RELL1: variants seen among roughly 807,000 people sequenced by gnomAD.
RELL1 encodes the protein RELT-like protein 1.
Under a neutral mutation model 23.0 loss-of-function variants are expected in RELL1, and 10 were observed. That is an observed-to-expected ratio of 0.43 (90% CI 0.27 to 0.74). The LOEUF is 0.74. Ranked by LOEUF, RELL1 falls within the 30% of genes least tolerant of loss-of-function variation. The pLI is 0.19. For missense variants in RELL1, 315 were observed against 364.4 expected, an observed-to-expected ratio of 0.86 and a Z score of 1.10; for synonymous variants, 146 against 146.8, an observed-to-expected ratio of 0.99 and a Z score of 0.04.
chr4:37,621,944 C>T (rs187004962), intron 6 of RELL1, among the ~76,000 whole-genome samples: 13 of 152,340 alleles, frequency 8.5e-5, no homozygotes, highest in African/African-American at 2.6e-4. Flanking sequence ...TTAGAAAAAA[C>T]ATCATAGTTG....
intron 6 of RELL1, among the ~76,000 whole-genome samples, chr4:37,630,933 TG>T (rs2109257560): frequency 6.6e-6 from 1 of 151,394 alleles, no homozygotes; most frequent in Non-Finnish European, 1.5e-5. Flanking sequence ...TTGGCCTGCA[TG>T]GTTGTTTAAA....
At chr4:37,610,262 T>A (rs1178357380), downstream of RELL1, among the ~76,000 whole-genome samples, 1 of 152,196 alleles carries the variant, frequency 6.6e-6, no homozygotes, top group East Asian at 1.9e-4. This position sits in a 1 kb window ranked among gnomAD's most constrained non-coding sequence, Gnocchi z 4.1. Flanking sequence ...AAAAGTATTT[T>A]AAATTAAGGT....
chr4:37,671,933 T>C lies in RELL1; in HGVS notation c.88+14267A>G, dbSNP rs1396802. 4.7e-3 allele frequency among the ~76,000 whole-genome samples: 722 copies of C among 152,268 alleles called. 21 individuals are homozygous for C. The highest frequency in any genetic ancestry group is 0.04 in the Admixed American group (610 of 15,300). Reference sequence around the variant, plus strand: ...TACACTTATGATTACAGTTTTATTATGAAGCATACAACTCAGATACAGCCA... The same window carrying C: ...TACACTTATGATTACAGTTTTATTACGAAGCATACAACTCAGATACAGCCA... On this transcript the variant is annotated intron_variant, in intron 1 of 6. Transcript: ENST00000454158.
chr4:37,671,432 G>A (rs1721830591), intron 1 of RELL1, among the ~76,000 whole-genome samples: 1 of 152,204 alleles, frequency 6.6e-6, no homozygotes. Context: ...AAAGAAGCCA[G>A]TGAAAGTCCA....
At chr4:37,596,736 A>ATATATATATT (rs1365185216) in intron 6 of RELL1, among the ~76,000 whole-genome samples, 3 of 16,508 alleles carry the variant, frequency 1.8e-4, no homozygotes, top group Non-Finnish European at 4.5e-4. Flanking sequence ...ATATATATAT[A>ATATATATATT]TTTTTTTTTT....
At chr4:37,631,544 G>A (rs1720133474) in intron 5 of RELL1, 21 bp from the exon 6 acceptor site, 1 of 1,611,026 alleles carries the variant, frequency 6.2e-7, no homozygotes, top group Admixed American at 1.7e-5. Flanking sequence ...AATGGGGAGA[G>A]GTGATGGGGT....
chr4:37,638,318 C>G, intron 4 of RELL1, 129 bp downstream of exon 4: 2 of 727,752 alleles, frequency 2.7e-6, no homozygotes, highest in Middle Eastern at 2.4e-4. Context: ...AAAGAACTAC[C>G]TGGTCCCAAA....
intron 5 of RELL1, among the ~76,000 whole-genome samples, chr4:37,634,623 C>T (rs1489354537): frequency 1.3e-5 from 2 of 152,232 alleles, no homozygotes; most frequent in African/African-American, 2.4e-5. Context: ...ATTCTGTATA[C>T]AGTTGAAAAT....
chr4:37,650,206 C>T (rs1037253438), intron 1 of RELL1, among the ~76,000 whole-genome samples: 1 of 152,204 alleles, frequency 6.6e-6, no homozygotes, highest in Non-Finnish European at 1.5e-5. Flanking sequence ...ATTTGTTGTC[C>T]TCATGCAGCT....
At chr4:37,650,811 T>C in intron 1 of RELL1, among the ~76,000 whole-genome samples, 1 of 78,314 alleles carries the variant, frequency 1.3e-5, no homozygotes, top group African/African-American at 5.2e-5. Flanking sequence ...TTTGGGAGGC[T>C]GAAGGGGGTG....
chr4:37,606,519 T>G (rs537695685), downstream of RELL1, among the ~76,000 whole-genome samples: 80 of 152,322 alleles, frequency 5.3e-4, no homozygotes, highest in African/African-American at 1.8e-3. The surrounding 1 kb of genome is among the most constrained non-coding windows in gnomAD (Gnocchi z 4.1). Context: ...TGGATTAGGG[T>G]GGACCCTAAA....
intron 6 of RELL1, among the ~76,000 whole-genome samples, chr4:37,621,567 G>A (rs1486922992): frequency 2.6e-5 from 4 of 152,132 alleles, no homozygotes; most frequent in Admixed American, 1.3e-4. Flanking sequence ...GTCTCCGAAA[G>A]CCTTTCATTT....
chr4:37,597,779 C>T (rs1401279891), intron 6 of RELL1, among the ~76,000 whole-genome samples: 3 of 151,980 alleles, frequency 2.0e-5, no homozygotes, highest in Admixed American at 6.6e-5. Context: ...GGCTGGGTGC[C>T]GTGGCTCATG....
At chr4:37,641,074 A>C (rs1431224524) in intron 3 of RELL1, among the ~76,000 whole-genome samples, 1 of 152,220 alleles carries the variant, frequency 6.6e-6, no homozygotes, top group African/African-American at 2.4e-5. Flanking sequence ...GGAAGATAAG[A>C]TATATTAAAA....
intron 6 of RELL1, among the ~76,000 whole-genome samples, chr4:37,604,359 C>CA (rs111637682): frequency 6.6e-6 from 1 of 151,986 alleles, no homozygotes; most frequent in South Asian, 2.1e-4. Context: ...AACTATAAAT[C>CA]GGGATTGGAG....
rs539859782 is a variant in RELL1 at position 37,590,886 on chromosome 4, T to C, written c.*335A>G. The stretch of plus-strand genomic sequence containing the variant: ...CAGGAAACAGGCAGGAGGATACCCA[T>C]GGCTCCGATGGAGATGGGGATGGGG... On this transcript the variant is annotated 3_prime_UTR_variant, in exon 7 of 7. Coordinates refer to the RELL1 transcript ENST00000314117. The C allele has an allele frequency of 3.1e-6, 5 of 1,614,220 alleles. No individual in the cohort carries two copies. The South Asian group carries it at 4.4e-5, about 14-fold the overall frequency.
At chr4:37,639,911 T>C (rs941233361) in intron 3 of RELL1, among the ~76,000 whole-genome samples, 13 of 152,262 alleles carry the variant, frequency 8.5e-5, no homozygotes, top group African/African-American at 3.1e-4. Flanking sequence ...GGGCTTACAA[T>C]GTGGTGTTTC....
chr4:37,627,735 C>G (rs1016463295), intron 6 of RELL1, among the ~76,000 whole-genome samples: 5 of 152,142 alleles, frequency 3.3e-5, no homozygotes, highest in Admixed American at 3.3e-4. Flanking sequence ...AGTGGATATG[C>G]ATTTGTATTT....
intron 6 of RELL1, among the ~76,000 whole-genome samples, chr4:37,617,089 C>A (rs960017562): frequency 6.6e-5 from 10 of 152,198 alleles, no homozygotes. Flanking sequence ...TCATGCTAAT[C>A]TAGGCTAATC....
Sources: gnomAD v4.1 joint callset for allele counts (sites outside exome capture counted in the v4.1 genomes callset) on GRCh38, gnomAD v4.1.1 for gene constraint, Gnocchi (gnomAD v3.1) non-coding constraint, MANE v1.5 for transcripts, NCBI Gene and HGNC (gene_info 2026-07-23, HGNC 2026-07-21) for gene names.